Variants in JMJD1C observed in about 807,000 individuals in gnomAD.
The protein encoded by JMJD1C is jumonji domain-containing protein 1C.
In JMJD1C, 31 loss-of-function variants were observed where a neutral mutation model predicts 245.3. That is an observed-to-expected ratio of 0.13 (90% CI 0.09 to 0.17). JMJD1C has a LOEUF of 0.17. Ranked by LOEUF, JMJD1C falls within the 10% of genes least tolerant of loss-of-function variation. JMJD1C has a pLI of 1.00. For missense variants in JMJD1C, 2,691 were observed against 3,000.2 expected (o/e 0.90, Z 2.41); for synonymous variants, 1,057 against 1,017.4 (o/e 1.04, Z -0.74).
At chr10:63,465,002 CTCTTT>C (rs1171923467) in intron 1 of JMJD1C, among the ~76,000 whole-genome samples, 6 of 152,238 alleles carry the variant, frequency 3.9e-5, no homozygotes, top group Admixed American at 1.3e-4. Context: ...GTGGGAAGGT[CTCTTT>C]TCTTTTCTCC....
chr10:63,433,125 CTT>C lies in JMJD1C; in HGVS notation c.168+32368_168+32369del, dbSNP rs531779256. On this transcript the variant is annotated intron_variant, in intron 1 of 25. Transcript: ENST00000399262. Reference sequence around the variant, plus strand: ...TTTTTTTTTGAGACAGAGTTTTGCTCTTGTTGCCCAGGCTGGAGTGCAATGCC... The same window carrying C: ...TTTTTTTTTGAGACAGAGTTTTGCTCGTTGCCCAGGCTGGAGTGCAATGCC... Among the ~76,000 whole-genome samples the C allele has an allele frequency of 3.3e-3, 488 of 150,018 alleles. 3 individuals are homozygous for C. Among genetic ancestry groups the C allele is most frequent in the African/African-American group, 0.012 (474 of 40,732 alleles).
chr10:63,209,044 T>A lies in JMJD1C; in HGVS notation c.2867+19A>T. ...TTATGAACAAGGTATTTATAATTTT[T>A]AAGCACTGGTGAACTTACTCCTTAT... On this transcript the variant is annotated intron_variant, in intron 9 of 25. Coordinates refer to ENST00000399262, the MANE Select transcript of JMJD1C (RefSeq NM_032776.3). 1 of 1,569,816 alleles carries A rather than the reference T, an allele frequency of 6.4e-7. No individual in the cohort carries two copies. The highest frequency in any genetic ancestry group is 8.6e-7 in the Non-Finnish European group (1 of 1,158,056).
intron 2 of JMJD1C, among the ~76,000 whole-genome samples, chr10:63,291,614 T>A (rs369314397): frequency 2.8e-5 from 4 of 142,990 alleles, no homozygotes; most frequent in African/African-American, 5.1e-5. Context: ...AAACTCCATC[T>A]AAAAAAAAAA....
rs183851095 is a variant in JMJD1C at position 63,183,335 on chromosome 10, C to T, written c.7084+112G>A. 60 of 923,794 alleles carry T rather than the reference C, an allele frequency of 6.5e-5. No individual in the cohort carries two copies. In the African/African-American group the frequency reaches 9.4e-4, roughly 15 times the overall value. The allele number at this position is 923,794 out of a possible 1,614,324, so 57.2% of individuals were successfully genotyped here. On this transcript the variant is annotated intron_variant, in intron 22 of 25. Coordinates refer to ENST00000399262, the MANE Select transcript of JMJD1C (RefSeq NM_032776.3). ...GGCTAAAATGCCCCTACATCCATTGCAATTCTTTTTGAAATCTTCGCTGTT... is the reference window on the plus strand; with the variant it reads ...GGCTAAAATGCCCCTACATCCATTGTAATTCTTTTTGAAATCTTCGCTGTT...
At chr10:63,519,198 A>G (rs767249484) in intron 1 of JMJD1C, among the ~76,000 whole-genome samples, 6 of 152,228 alleles carry the variant, frequency 3.9e-5, no homozygotes, top group Non-Finnish European at 7.4e-5. Flanking sequence ...TAATAAGCAT[A>G]CAAAATGAAA....
intron 3 of JMJD1C, among the ~76,000 whole-genome samples, chr10:63,225,458 G>GT (rs1359028207): frequency 6.6e-6 from 1 of 152,086 alleles, no homozygotes; most frequent in East Asian, 1.9e-4. Flanking sequence ...TTGAACATTA[G>GT]TGAGACACCT....
chr10:63,281,110 G>A (rs1857327883), intron 2 of JMJD1C, among the ~76,000 whole-genome samples: 3 of 151,130 alleles, frequency 2.0e-5, no homozygotes, highest in African/African-American at 7.3e-5. Context: ...GGGATTACAG[G>A]CGTGAGCCAC....
intron 2 of JMJD1C, among the ~76,000 whole-genome samples, chr10:63,296,792 T>C (rs1311349428): frequency 5.3e-5 from 8 of 152,204 alleles, no homozygotes; most frequent in Admixed American, 2.0e-4. Context: ...AGCCTAGTTA[T>C]CTAGCTGTAA....
chr10:63,194,957 T>C (rs375705100), intron 13 of JMJD1C, among the ~76,000 whole-genome samples: 65 of 152,338 alleles, frequency 4.3e-4, no homozygotes, highest in African/African-American at 1.4e-3. Flanking sequence ...TTTGATACCT[T>C]GATCTCAAGA....
intron 2 of JMJD1C, among the ~76,000 whole-genome samples, chr10:63,272,329 G>A (rs1044713145): frequency 2.0e-5 from 3 of 151,666 alleles, no homozygotes; most frequent in Admixed American, 6.6e-5. Context: ...TCGGCTCACT[G>A]CAACCTCTGC....
intron 1 of JMJD1C, among the ~76,000 whole-genome samples, chr10:63,416,869 G>C (rs1333338621): frequency 6.6e-6 from 1 of 152,004 alleles, no homozygotes; most frequent in Non-Finnish European, 1.5e-5. Flanking sequence ...CTAAACAATT[G>C]ATTTTTCAAT....
At chr10:63,354,666 T>C (rs957173406) in intron 2 of JMJD1C, among the ~76,000 whole-genome samples, 4 of 62,958 alleles carry the variant, frequency 6.4e-5, no homozygotes, top group South Asian at 2.8e-3. Flanking sequence ...ACCTAAATTT[T>C]CTACTGCTTT....
chr10:63,182,711 C>T (rs754053782), intron 22 of JMJD1C, among the ~76,000 whole-genome samples: 7 of 152,072 alleles, frequency 4.6e-5, no homozygotes, highest in Non-Finnish European at 8.8e-5. Context: ...GAAATGAAAA[C>T]CTATATACTG....
chr10:63,204,978 T>C (rs1846429134), intron 10 of JMJD1C: 1 of 985,128 alleles, frequency 1.0e-6, no homozygotes, highest in South Asian at 4.7e-5. Context: ...ATATTGTATG[T>C]GGATGAACAC....
At chr10:63,269,668 C>T (rs1028144937) in intron 2 of JMJD1C, among the ~76,000 whole-genome samples, 1 of 152,072 alleles carries the variant, frequency 6.6e-6, no homozygotes. Flanking sequence ...ATGATCTCAA[C>T]AATCTCATAG....
At chr10:63,424,596 T>TC (rs34063748) in intron 1 of JMJD1C, among the ~76,000 whole-genome samples, 92,439 of 146,558 alleles carry the variant, frequency 0.63, 31,718 homozygotes, top group Non-Finnish European at 0.78. Context: ...AGCCTCGACC[T>TC]CCTGGGCTCA....
At chr10:63,450,157 A>T (rs1293809431) in intron 1 of JMJD1C, among the ~76,000 whole-genome samples, 1 of 151,876 alleles carries the variant, frequency 6.6e-6, no homozygotes, top group Non-Finnish European at 1.5e-5. Flanking sequence ...GCAAAATTAG[A>T]CCAGGGTATT....
At chr10:63,215,849 A>G (rs1396991186) in intron 5 of JMJD1C, among the ~76,000 whole-genome samples, 153 bp from the exon 6 acceptor site, 1 of 152,222 alleles carries the variant, frequency 6.6e-6, no homozygotes. Context: ...TATTCACTTA[A>G]GACAAAATTA....
chr10:63,205,099 G>C, intron 10 of JMJD1C: 1 of 809,364 alleles, frequency 1.2e-6, no homozygotes, highest in Non-Finnish European at 1.5e-6. Flanking sequence ...ACACTTTATA[G>C]TGAATATTAC....
Sources: gnomAD v4.1 joint callset for allele counts (sites outside exome capture counted in the v4.1 genomes callset) on GRCh38, gnomAD v4.1.1 for gene constraint, MANE v1.5 for transcripts, NCBI Gene and HGNC (gene_info 2026-07-23, HGNC 2026-07-21) for gene names.